The following SAXO2 variants were observed in gnomAD, a reference collection of about 807,000 sequenced individuals.
SAXO2 encodes family with sequence similarity 154, member B.
A neutral mutation model predicts 18.7 loss-of-function variants in SAXO2; 17 were observed. The ratio of observed to expected loss-of-function variants is 0.91; its 90% CI spans 0.62 to 1.36. The LOEUF is 1.36. Among genes scored for constraint, SAXO2 ranks in the 40% most tolerant of loss-of-function variants. The pLI, the probability that SAXO2 is intolerant of heterozygous loss-of-function variation, is 0.00. For synonymous variants in SAXO2, 163 were observed against 181.2 expected, an observed-to-expected ratio of 0.90 and a Z score of 0.81; for missense variants, 486 against 562.6, an observed-to-expected ratio of 0.86 and a Z score of 1.38.
chr15:82,281,478 T>C (rs2075361472), intron 3 of SAXO2, among the ~76,000 whole-genome samples: 1 of 151,826 alleles, frequency 6.6e-6, no homozygotes, highest in African/African-American at 2.4e-5. Flanking sequence ...CCCTCTATCT[T>C]TTGGGAATGC....
intron 3 of SAXO2, among the ~76,000 whole-genome samples, chr15:82,275,277 C>CA (rs1246618880): frequency 3.8e-3 from 180 of 47,510 alleles, no homozygotes; most frequent in African/African-American, 0.013. Flanking sequence ...AGAAACCTAT[C>CA]AACCAAAAAA....
In SAXO2 at chr15:82,279,254, G is replaced by A. The variant is rs2075341770; in HGVS notation, c.434-2865G>A. Among the ~76,000 whole-genome samples, 3 of 151,686 alleles carry A rather than the reference G, an allele frequency of 2.0e-5. No individual in the cohort carries two copies. In the South Asian group the frequency reaches 6.2e-4, roughly 32 times the overall value. On this transcript the variant is annotated intron_variant, in intron 3 of 3. Transcript: ENST00000682753. Reference sequence around the variant, plus strand: ...CTTCTTTTTTCTTTTTCTTATTTTTGACAATTTTATCAGGTTGCCATTCAT... The same window carrying A: ...CTTCTTTTTTCTTTTTCTTATTTTTAACAATTTTATCAGGTTGCCATTCAT...
intron 3 of SAXO2, among the ~76,000 whole-genome samples, chr15:82,278,132 A>C (rs958514454): frequency 4.6e-5 from 7 of 152,240 alleles, no homozygotes; most frequent in African/African-American, 1.7e-4. Context: ...GTGAAGATGT[A>C]TTGCAACTTG....
intron 2 of SAXO2, 91 bp downstream of exon 2, chr15:82,265,839 C>A: frequency 2.1e-6 from 2 of 950,924 alleles, no homozygotes; most frequent in Non-Finnish European, 2.9e-6. Context: ...TTGAACTGTT[C>A]AGTTGATTTA....
chr15:82,275,435 A>G (rs917163473), intron 3 of SAXO2, among the ~76,000 whole-genome samples: 1 of 150,064 alleles, frequency 6.7e-6, no homozygotes, highest in Admixed American at 6.6e-5. Context: ...CTGTGAAACT[A>G]GTATGATCCT....
At chr15:82,265,384 C>T (rs1295586536) in intron 1 of SAXO2, among the ~76,000 whole-genome samples, 185 bp from the exon 2 acceptor site, 4 of 152,088 alleles carry the variant, frequency 2.6e-5, no homozygotes, top group East Asian at 1.9e-4. Flanking sequence ...CTTTGGGATC[C>T]GCCTGCCTTG....
At chr15:82,267,611 A>C (rs541308725) in intron 2 of SAXO2, among the ~76,000 whole-genome samples, 2 of 152,160 alleles carry the variant, frequency 1.3e-5, no homozygotes, top group Admixed American at 6.5e-5. Flanking sequence ...TTTTGGTGTT[A>C]GTTATTTTCA....
At chr15:82,263,289 C>T (rs547175154) in intron 1 of SAXO2, 52 of 1,308,118 alleles carry the variant, frequency 4.0e-5, no homozygotes, top group Non-Finnish European at 5.2e-5. Context: ...TCCCCCACCA[C>T]GAAGATGAGA....
intron 2 of SAXO2, among the ~76,000 whole-genome samples, chr15:82,269,409 T>C (rs1383225295): frequency 2.0e-5 from 3 of 151,898 alleles, no homozygotes; most frequent in Non-Finnish European, 4.4e-5. Flanking sequence ...GGAAGGAGCA[T>C]GGAAAGGAGA....
chr15:82,272,384 C>T (rs766545621), intron 3 of SAXO2, among the ~76,000 whole-genome samples: 2 of 152,198 alleles, frequency 1.3e-5, no homozygotes, highest in Non-Finnish European at 1.5e-5. Flanking sequence ...CCATGATAGA[C>T]AGTGCTAGAC....
At chr15:82,279,754 C>G (rs1227862221) in intron 3 of SAXO2, among the ~76,000 whole-genome samples, 2 of 152,166 alleles carry the variant, frequency 1.3e-5, no homozygotes, top group African/African-American at 4.8e-5. Context: ...TCCCAAGTAC[C>G]AGGAAAAAGA....
chr15:82,266,838 A>G (rs1353293552), intron 2 of SAXO2, among the ~76,000 whole-genome samples: 3 of 152,254 alleles, frequency 2.0e-5, no homozygotes, highest in Admixed American at 1.3e-4. Flanking sequence ...CTATTTTTAG[A>G]AAACGAATAC....
rs2075393037 is a variant in SAXO2 at position 82,284,383 on chromosome 15, G to C, written c.*1321G>C. ...TGGAATGGGGTAAATACAGTGGTTT[G>C]AATAACAGTATTTGCAGAAAGGAAA... On this transcript the variant is annotated 3_prime_UTR_variant, in exon 4 of 4. Coordinates refer to ENST00000682753, the MANE Select transcript of SAXO2 (RefSeq NM_001348699.2). The C allele has an allele frequency of 6.6e-6, 1 of 152,032 alleles. No individual in the cohort carries two copies. The highest frequency in any genetic ancestry group is 2.4e-5 in the African/African-American group (1 of 41,362). The allele number at this position is 152,032 out of a possible 1,614,324, so 9.4% of individuals were successfully genotyped here.
At chr15:82,266,383 C>G (rs184830982) in intron 2 of SAXO2, among the ~76,000 whole-genome samples, 18 of 152,168 alleles carry the variant, frequency 1.2e-4, no homozygotes, top group African/African-American at 4.3e-4. Flanking sequence ...GCAAACCAAA[C>G]CCTATCACTT....
intron 3 of SAXO2, among the ~76,000 whole-genome samples, chr15:82,279,676 A>G (rs2075346229): frequency 6.6e-6 from 1 of 152,222 alleles, no homozygotes; most frequent in African/African-American, 2.4e-5. Context: ...GAGGCCGAGG[A>G]TGATGTCCCC....
chr15:82,267,864 C>G (rs1000227961), intron 2 of SAXO2, among the ~76,000 whole-genome samples: 1 of 152,072 alleles, frequency 6.6e-6, no homozygotes, highest in Non-Finnish European at 1.5e-5. Flanking sequence ...TCTAAAAGAG[C>G]CAGTAGATAA....
chr15:82,266,149 AAAAAAATCAC>A (rs1437896968), intron 2 of SAXO2, among the ~76,000 whole-genome samples: 1 of 151,808 alleles, frequency 6.6e-6, no homozygotes, highest in African/African-American at 2.4e-5. Context: ...CAACAACAAA[AAAAAAATCAC>A]AAAAAAATCT....
chr15:82,266,276 A>G (rs2075217680), intron 2 of SAXO2, among the ~76,000 whole-genome samples: 2 of 152,364 alleles, frequency 1.3e-5, no homozygotes, highest in South Asian at 4.2e-4. Flanking sequence ...GACCTAGAGG[A>G]ATGCAGTCAC....
Position 82,283,263 on chromosome 15 carries a change from G to A in SAXO2, c.*201G>A. 1 of 367,740 alleles carries A rather than the reference G, an allele frequency of 2.7e-6. No homozygotes were observed. The highest frequency in any genetic ancestry group is 4.7e-6 in the Non-Finnish European group (1 of 213,788). 22.8% of individuals were successfully genotyped at this position (367,740 alleles called of 1,614,324 possible). Reference sequence around the variant, plus strand: ...ATTTTAATCAAGATTGTTCTTTAATGTGCATTTCAGAAGGTTGAATAATAT... The same window carrying A: ...ATTTTAATCAAGATTGTTCTTTAATATGCATTTCAGAAGGTTGAATAATAT... On this transcript the variant is annotated 3_prime_UTR_variant, in exon 4 of 4. Coordinates refer to ENST00000682753, the MANE Select transcript of SAXO2 (RefSeq NM_001348699.2).
Sources: allele counts gnomAD v4.1 joint callset (sites outside exome capture counted in the v4.1 genomes callset), GRCh38; gene constraint gnomAD v4.1.1; transcripts MANE v1.5; gene names NCBI Gene and HGNC (gene_info 2026-07-23, HGNC 2026-07-21).